Variants in KIF13A observed in about 807,000 individuals in gnomAD.
KIF13A encodes kinesin-like protein KIF13A.
In KIF13A, 79 loss-of-function variants were observed where a neutral mutation model predicts 212.2. The ratio of observed to expected loss-of-function variants is 0.37; its 90% confidence interval spans 0.31 to 0.45. The LOEUF is 0.45. KIF13A is among the 20% of genes least tolerant of loss of function. The pLI is 1.00. For synonymous variants in KIF13A, 789 were observed against 808.6 expected, an observed-to-expected ratio of 0.98 and a Z score of 0.41; for missense variants, 1,901 against 2,209.0, an observed-to-expected ratio of 0.86 and a Z score of 2.79.
Position 17,817,156 on chromosome 6 carries a change from G to A in KIF13A, c.1864C>T (p.Leu622Phe). 1 of 1,614,060 alleles carries A rather than the reference G, an allele frequency of 6.2e-7. No homozygotes were observed. Among genetic ancestry groups the A allele is most frequent in the Non-Finnish European group, 8.5e-7 (1 of 1,179,896 alleles). ...EKRSALEEQR[L>F]MYERELEQLR... ...TGCTCCAGTTCCCGCTCATACATGA[G>A]CCGCTGCTCCTCTAGGGCACTTCTC... The change falls in exon 17 of 39, where the codon CTC becomes TTC. Residue 622 changes from leucine (L) to phenylalanine (F), a missense_variant. By Grantham distance (22) the Leu-to-Phe change is conservative. Coordinates refer to ENST00000259711, the MANE Select transcript of KIF13A (RefSeq NM_022113.6).
chr6:17,972,721 G>A (rs1339858665), intron 2 of KIF13A, among the ~76,000 whole-genome samples: 1 of 151,770 alleles, frequency 6.6e-6, no homozygotes, highest in Non-Finnish European at 1.5e-5. Flanking sequence ...TGTGGTGGGT[G>A]TGCAGTCTAG....
downstream of KIF13A, chr6:17,760,793 T>C: frequency 6.5e-7 from 1 of 1,549,268 alleles, no homozygotes; most frequent in South Asian, 1.1e-5. Context: ...GGCTGGTGCT[T>C]GCCCAAGGTG....
chr6:17,845,520 C>T (rs942912291), intron 9 of KIF13A, among the ~76,000 whole-genome samples: 2 of 152,152 alleles, frequency 1.3e-5, no homozygotes, highest in Non-Finnish European at 2.9e-5. Flanking sequence ...AGACTGGGAA[C>T]GATACCCATT....
At chr6:17,940,602 G>A (rs1397333530) in intron 2 of KIF13A, among the ~76,000 whole-genome samples, 1 of 152,138 alleles carries the variant, frequency 6.6e-6, no homozygotes, top group African/African-American at 2.4e-5. Context: ...TACCAGACCA[G>A]TGAAGAGTTT....
intron 2 of KIF13A, among the ~76,000 whole-genome samples, chr6:17,976,738 G>A (rs535032613): frequency 1.3e-5 from 2 of 151,278 alleles, no homozygotes; most frequent in South Asian, 2.1e-4. Flanking sequence ...CTGCCAGCAC[G>A]CTGTCACCTC....
intron 4 of KIF13A, among the ~76,000 whole-genome samples, chr6:17,868,757 C>T (rs948071290): frequency 1.3e-4 from 19 of 151,604 alleles, no homozygotes; most frequent in African/African-American, 4.6e-4. Flanking sequence ...AATCTCAGCA[C>T]TTTGGGATGC....
Position 17,818,647 on chromosome 6 carries a change from A to G in KIF13A, c.1787-1414T>C, listed in dbSNP as rs1017090125. 2.0e-5 allele frequency among the ~76,000 whole-genome samples: 3 copies of G among 152,202 alleles called. No homozygotes were observed. In the East Asian group the frequency reaches 5.8e-4, roughly 29 times the overall value. On this transcript the variant is annotated intron_variant, in intron 16 of 38. Coordinates refer to ENST00000259711, the MANE Select transcript of KIF13A (RefSeq NM_022113.6). ...TCTGCTTTGCATGCATCACTTCATG[A>G]AAGCTTTGCAACAAGCCTAAGTGTG... is the stretch of plus-strand genomic sequence containing the variant.
At chr6:17,938,819 ATTT>A (rs5874617) in intron 2 of KIF13A, among the ~76,000 whole-genome samples, 100 of 139,806 alleles carry the variant, frequency 7.2e-4, no homozygotes, top group Non-Finnish European at 9.9e-4. Context: ...CTTAGAGTGA[ATTT>A]TTTTTTTTTT....
chr6:17,969,324 T>C (rs975228577), intron 2 of KIF13A, among the ~76,000 whole-genome samples: 4 of 152,244 alleles, frequency 2.6e-5, no homozygotes, highest in African/African-American at 7.2e-5. Flanking sequence ...TTCTGCTTTG[T>C]ACTCTAGTTA....
intron 9 of KIF13A, among the ~76,000 whole-genome samples, chr6:17,847,845 CTT>C (rs1434219407): frequency 6.6e-6 from 1 of 152,050 alleles, no homozygotes; most frequent in Non-Finnish European, 1.5e-5. Context: ...GAGTTTCACT[CTT>C]GTTGCCCAGG....
chr6:17,797,653 C>T (rs576120519), intron 22 of KIF13A, among the ~76,000 whole-genome samples: 5 of 152,192 alleles, frequency 3.3e-5, no homozygotes, highest in East Asian at 1.9e-4. Context: ...GCCAGCACTT[C>T]GGGAGGCCAA....
intron 19 of KIF13A, among the ~76,000 whole-genome samples, chr6:17,805,030 G>C (rs1762821910): frequency 6.6e-6 from 1 of 151,794 alleles, no homozygotes; most frequent in Admixed American, 6.6e-5. Flanking sequence ...CCAAAAAATG[G>C]ATTATGCAAG....
chr6:17,805,395 G>C lies in KIF13A; in HGVS notation c.2304+80C>G. 8 of 613,470 alleles carry C rather than the reference G, an allele frequency of 1.3e-5. No individual in the cohort carries two copies. The Admixed American group carries it at 2.1e-4, about 16-fold the overall frequency. 38.0% of individuals were successfully genotyped at this position (613,470 alleles called of 1,614,324 possible). On this transcript the variant is annotated intron_variant, in intron 19 of 38. Transcript: ENST00000259711. The stretch of plus-strand genomic sequence containing the variant: ...CGTGTGTGTGTGTGTGTGTGTGTGT[G>C]TGTGTGTGTGTGTTGCTAAATCGCT...
intron 25 of KIF13A, among the ~76,000 whole-genome samples, chr6:17,793,497 A>C (rs1417135284): frequency 6.6e-6 from 1 of 152,216 alleles, no homozygotes; most frequent in Non-Finnish European, 1.5e-5. Context: ...TAAAATGAGA[A>C]TGTTTAGAAA....
At chr6:17,972,215 C>T (rs992482365) in intron 2 of KIF13A, among the ~76,000 whole-genome samples, 2 of 152,212 alleles carry the variant, frequency 1.3e-5, no homozygotes, top group African/African-American at 4.8e-5. Context: ...ATCCTCCTTC[C>T]TCTTTATTCA....
chr6:17,824,630 G>A lies in KIF13A; in HGVS notation c.1786+1138C>T, dbSNP rs1005370641. Among the ~76,000 whole-genome samples the A allele has an allele frequency of 1.1e-4, 17 of 151,868 alleles. 1 individual carries two copies. The highest frequency in any genetic ancestry group is 2.1e-4 in the South Asian group (1 of 4,804). On this transcript the variant is annotated intron_variant, in intron 16 of 38. Transcript: ENST00000259711. Reference sequence around the variant, plus strand: ...AAAAAAATTAGCCAGGTGTGGTCACGGGCGCCTGTGGTCCCAGCTACTTGG... The same window carrying A: ...AAAAAAATTAGCCAGGTGTGGTCACAGGCGCCTGTGGTCCCAGCTACTTGG...
At chr6:17,821,749 C>T (rs1764472971) in intron 16 of KIF13A, 1 of 1,532,690 alleles carries the variant, frequency 6.5e-7, no homozygotes. Flanking sequence ...TAAAAACCAG[C>T]CAAGCTCCCT....
intron 19 of KIF13A, among the ~76,000 whole-genome samples, 171 bp from the exon 20 acceptor site, chr6:17,804,681 C>T (rs1024637687): frequency 2.6e-5 from 4 of 151,508 alleles, no homozygotes; most frequent in Non-Finnish European, 2.9e-5. Context: ...GGCGTGGTGG[C>T]GCACGCCTGT....
At chr6:17,813,144 T>C (rs185899835) in intron 17 of KIF13A, among the ~76,000 whole-genome samples, 1 of 152,348 alleles carries the variant, frequency 6.6e-6, no homozygotes, top group East Asian at 1.9e-4. Flanking sequence ...AAGGACCATC[T>C]GATAACTTTT....
Sources: allele counts gnomAD v4.1 joint callset (sites outside exome capture counted in the v4.1 genomes callset), GRCh38; gene constraint gnomAD v4.1.1; transcripts MANE v1.5; gene names NCBI Gene and HGNC (gene_info 2026-07-23, HGNC 2026-07-21).